SLCO3A1: variants seen among roughly 807,000 people sequenced by gnomAD.
The protein encoded by SLCO3A1 is PGE1 transporter.
In SLCO3A1, 27 loss-of-function variants were observed where a neutral mutation model predicts 63.1. The ratio of observed to expected loss-of-function variants is 0.43; its 90% CI spans 0.32 to 0.59. SLCO3A1 has a LOEUF of 0.59. SLCO3A1 is among the 20% of genes least tolerant of loss of function. SLCO3A1 has a pLI of 0.09. For synonymous variants in SLCO3A1, 473 were observed against 409.9 expected, an observed-to-expected ratio of 1.15 and a Z score of -1.86; for missense variants, 773 against 945.8, an observed-to-expected ratio of 0.82 and a Z score of 2.40.
At chr15:91,921,752 T>C (rs1898853238) in intron 2 of SLCO3A1, among the ~76,000 whole-genome samples, 1 of 151,574 alleles carries the variant, frequency 6.6e-6, no homozygotes, top group Non-Finnish European at 1.5e-5. Context: ...TTTTTTGACA[T>C]GAAGTCTCAC....
At chr15:91,995,817 G>C (rs2046185507) in intron 2 of SLCO3A1, among the ~76,000 whole-genome samples, 1 of 146,498 alleles carries the variant, frequency 6.8e-6, no homozygotes, top group Admixed American at 6.8e-5. Context: ...ATGAATTCAT[G>C]ATTAAAAACA....
At chr15:91,905,445 T>C (rs943457190) in intron 1 of SLCO3A1, among the ~76,000 whole-genome samples, 9 of 152,358 alleles carry the variant, frequency 5.9e-5, no homozygotes, top group African/African-American at 2.2e-4. Context: ...AGATTTCTTG[T>C]GATACCTAAT....
chr15:92,030,901 C>T (rs1384536691), intron 2 of SLCO3A1, among the ~76,000 whole-genome samples: 1 of 152,020 alleles, frequency 6.6e-6, no homozygotes, highest in Non-Finnish European at 1.5e-5. Context: ...ACTTTAAAAA[C>T]AGATGCCAAC....
chr15:92,127,181 C>T (rs1443745896), intron 6 of SLCO3A1, among the ~76,000 whole-genome samples: 2 of 152,218 alleles, frequency 1.3e-5, no homozygotes, highest in Admixed American at 6.5e-5. Context: ...TTCCAATCCC[C>T]GCCCCAGCCT....
At chr15:91,959,432 A>T (rs925838465) in intron 2 of SLCO3A1, among the ~76,000 whole-genome samples, 2 of 152,138 alleles carry the variant, frequency 1.3e-5, no homozygotes, top group South Asian at 2.1e-4. Context: ...TTGAAATTTT[A>T]AAAAAGAAAA....
At chr15:92,032,800 T>C (rs1384197503) in intron 2 of SLCO3A1, among the ~76,000 whole-genome samples, 1 of 152,104 alleles carries the variant, frequency 6.6e-6, no homozygotes, top group African/African-American at 2.4e-5. Flanking sequence ...ATGGAAGCAG[T>C]ACTAAAAAGA....
intron 2 of SLCO3A1, among the ~76,000 whole-genome samples, chr15:91,935,704 C>T (rs1484092122): frequency 1.3e-5 from 2 of 152,156 alleles, no homozygotes; most frequent in African/African-American, 2.4e-5. Context: ...CTGGGGAATC[C>T]TCAAGAGGTT....
intron 2 of SLCO3A1, among the ~76,000 whole-genome samples, chr15:91,987,323 T>C (rs1187162467): frequency 6.6e-6 from 1 of 152,154 alleles, no homozygotes; most frequent in Non-Finnish European, 1.5e-5. Context: ...ATTCAACACG[T>C]ATTTACTGAA....
intron 2 of SLCO3A1, among the ~76,000 whole-genome samples, chr15:91,925,307 T>G (rs144819013): frequency 6.6e-6 from 1 of 152,358 alleles, no homozygotes; most frequent in Non-Finnish European, 1.5e-5. Flanking sequence ...CGGTTTGGTT[T>G]CTGTCGAGCA....
At chr15:91,917,369 T>C (rs916994325) in intron 2 of SLCO3A1, among the ~76,000 whole-genome samples, 6 of 152,170 alleles carry the variant, frequency 3.9e-5, no homozygotes, top group Non-Finnish European at 8.8e-5. Flanking sequence ...GAGTTTTAAG[T>C]GAAAATAGAA....
Position 91,856,985 on chromosome 15 carries a change from G to A in SLCO3A1, c.180+2897G>A, listed in dbSNP as rs1896935877. Among the ~76,000 whole-genome samples, 1 of 151,794 alleles carries A rather than the reference G, an allele frequency of 6.6e-6. No individual in the cohort carries two copies. Among genetic ancestry groups the A allele is most frequent in the Non-Finnish European group, 1.5e-5 (1 of 67,954 alleles). On this transcript the variant is annotated intron_variant, in intron 1 of 9. Transcript: ENST00000318445. The surrounding 1 kb of genome is among the most constrained non-coding windows in gnomAD (Gnocchi z 4.9). ...GCTTCCCAACTGCAGAACTGAAGCA[G>A]AAGGTTGCCTGTGATTTAAGAAGCA... is the stretch of plus-strand genomic sequence containing the variant.
At chr15:92,137,887 T>C (rs1413460825) in intron 7 of SLCO3A1, among the ~76,000 whole-genome samples, 2 of 117,656 alleles carry the variant, frequency 1.7e-5, no homozygotes, top group Non-Finnish European at 3.3e-5. Context: ...CTTTGTCAGA[T>C]GAGTAGGTTG....
intron 2 of SLCO3A1, among the ~76,000 whole-genome samples, chr15:91,986,061 G>A (rs1282829717): frequency 6.6e-6 from 1 of 152,198 alleles, no homozygotes; most frequent in Non-Finnish European, 1.5e-5. Flanking sequence ...ACATTCCCTT[G>A]AGGAGCGTGA....
At chr15:91,944,138 T>G (rs1567197452) in intron 2 of SLCO3A1, among the ~76,000 whole-genome samples, 1 of 152,176 alleles carries the variant, frequency 6.6e-6, no homozygotes, top group East Asian at 1.9e-4. Context: ...TCCCTAGGGT[T>G]GCTGATGTAT....
intron 2 of SLCO3A1, among the ~76,000 whole-genome samples, chr15:92,045,710 A>G (rs1445861561): frequency 6.6e-6 from 1 of 152,110 alleles, no homozygotes; most frequent in Non-Finnish European, 1.5e-5. Context: ...ACATTATATG[A>G]TTTAGAATTT....
intron 2 of SLCO3A1, among the ~76,000 whole-genome samples, chr15:92,002,634 A>G (rs2046268732): frequency 6.6e-6 from 1 of 152,166 alleles, no homozygotes; most frequent in African/African-American, 2.4e-5. Context: ...CACATAGTGG[A>G]TTAAGAGTTT....
intron 1 of SLCO3A1, among the ~76,000 whole-genome samples, chr15:91,914,437 A>T (rs968676454): frequency 6.6e-6 from 1 of 152,188 alleles, no homozygotes; most frequent in Non-Finnish European, 1.5e-5. Flanking sequence ...CAGGGGTTCA[A>T]ACCAGGTTTT....
chr15:92,059,800 G>GC (rs1487823373), intron 2 of SLCO3A1, among the ~76,000 whole-genome samples: 1 of 152,180 alleles, frequency 6.6e-6, no homozygotes, highest in Non-Finnish European at 1.5e-5. Context: ...CCTGATAAGT[G>GC]CATATCACTG....
At chr15:91,861,589 A>G (rs1273801882) in intron 1 of SLCO3A1, among the ~76,000 whole-genome samples, 4 of 152,180 alleles carry the variant, frequency 2.6e-5, no homozygotes, top group African/African-American at 9.7e-5. Context: ...CACATTGAAA[A>G]TATTTAAAAG....
Sources: allele counts gnomAD v4.1 joint callset (sites outside exome capture counted in the v4.1 genomes callset), GRCh38; gene constraint gnomAD v4.1.1; non-coding constraint Gnocchi (gnomAD v3.1); transcripts MANE v1.5; gene names NCBI Gene and HGNC (gene_info 2026-07-23, HGNC 2026-07-21).